Variants in PDGFD observed in about 807,000 individuals in gnomAD.
The protein encoded by PDGFD is platelet derived growth factor D.
In PDGFD, 30 loss-of-function variants were observed where a neutral mutation model predicts 44.7. The ratio of observed to expected loss-of-function variants is 0.67; its 90% CI spans 0.50 to 0.91. The LOEUF (loss-of-function observed/expected upper bound fraction) is 0.91, where lower values mean the gene tolerates loss of function less well. PDGFD is among the 40% of genes least tolerant of loss of function. The pLI, the probability that PDGFD is intolerant of heterozygous loss-of-function variation, is 0.00. For missense variants in PDGFD, 445 were observed against 457.8 expected (o/e 0.97, Z 0.25); for synonymous variants, 173 against 168.4 (o/e 1.03, Z -0.21).
Position 104,131,865 on chromosome 11 carries a change from A to C in PDGFD, c.124+31939T>G, listed in dbSNP as rs112963330. Among the ~76,000 whole-genome samples the C allele has an allele frequency of 9.8e-3, 1,488 of 151,642 alleles. 27 individuals are homozygous for C. Among genetic ancestry groups the C allele is most frequent in the African/African-American group, 0.034 (1,408 of 41,360 alleles). Reference sequence around the variant, plus strand: ...TGATCTATCTACCTTTCGATAAGATAATCTCTAGGCTGAAATTCTCATTTG... The same window carrying C: ...TGATCTATCTACCTTTCGATAAGATCATCTCTAGGCTGAAATTCTCATTTG... On this transcript the variant is annotated intron_variant, in intron 1 of 6. Transcript: ENST00000393158.
chr11:104,080,475 G>A (rs1186590908), intron 1 of PDGFD, among the ~76,000 whole-genome samples: 1 of 152,170 alleles, frequency 6.6e-6, no homozygotes, highest in Non-Finnish European at 1.5e-5. Flanking sequence ...TACCAGCACA[G>A]GGTCTAAAAT....
chr11:104,103,699 T>C (rs943896386), intron 1 of PDGFD, among the ~76,000 whole-genome samples: 2 of 152,012 alleles, frequency 1.3e-5, no homozygotes, highest in Non-Finnish European at 2.9e-5. Context: ...AACATCATAG[T>C]GCAATGCATT....
intron 3 of PDGFD, among the ~76,000 whole-genome samples, chr11:103,952,647 C>T (rs911049797): frequency 6.6e-6 from 1 of 152,052 alleles, no homozygotes; most frequent in Non-Finnish European, 1.5e-5. Context: ...GACTAGGACC[C>T]AATTAGCTAT....
chr11:104,151,557 T>C (rs188874895), intron 1 of PDGFD, among the ~76,000 whole-genome samples: 5 of 152,306 alleles, frequency 3.3e-5, no homozygotes, highest in Admixed American at 3.3e-4. Flanking sequence ...TACATCATGC[T>C]CAAAGTTGTC....
At chr11:104,069,155 G>A (rs544364468) in intron 1 of PDGFD, among the ~76,000 whole-genome samples, 7 of 152,242 alleles carry the variant, frequency 4.6e-5, no homozygotes, top group East Asian at 3.9e-4. Context: ...ATCTGAAAGC[G>A]TTTCTGAGTC....
chr11:104,061,283 A>G (rs140100595), intron 1 of PDGFD, among the ~76,000 whole-genome samples: 51 of 152,288 alleles, frequency 3.3e-4, no homozygotes, highest in African/African-American at 1.1e-3. Flanking sequence ...GAAAAAAAAA[A>G]GTGTTAAAAC....
chr11:104,088,349 A>G (rs1359904825), intron 1 of PDGFD, among the ~76,000 whole-genome samples: 1 of 152,210 alleles, frequency 6.6e-6, no homozygotes, highest in Admixed American at 6.5e-5. Flanking sequence ...AATTATGTAA[A>G]CCAAATGTCT....
In PDGFD at chr11:103,950,571, A is replaced by AAAAT. The variant is rs112585777; in HGVS notation, c.511-2851_511-2848dup. The stretch of plus-strand genomic sequence containing the variant: ...AGAGCGAAACTCTGTCTCAAAAGAA[A>AAAAT]AAATAAATAAATAAATAAATAAATA... On this transcript the variant is annotated intron_variant, in intron 3 of 6. Coordinates refer to ENST00000393158, the MANE Select transcript of PDGFD (RefSeq NM_025208.5). Among the ~76,000 whole-genome samples, 618 of 146,266 alleles carry AAAAT rather than the reference A, an allele frequency of 4.2e-3. 1 individual carries two copies. The highest frequency in any genetic ancestry group is 0.014 in the Admixed American group (201 of 14,812).
chr11:103,942,494 T>C (rs1281112019), intron 5 of PDGFD, among the ~76,000 whole-genome samples: 1 of 152,146 alleles, frequency 6.6e-6, no homozygotes, highest in Admixed American at 6.6e-5. Context: ...TCTGCCTTAA[T>C]GTTCCTCTCG....
intron 1 of PDGFD, among the ~76,000 whole-genome samples, chr11:104,088,263 C>T (rs180947806): frequency 2.3e-4 from 35 of 152,318 alleles, no homozygotes; most frequent in Non-Finnish European, 4.4e-5. Context: ...ATTTTACTGA[C>T]TCACAATTAT....
At chr11:104,022,516 C>T (rs1859976435) in intron 1 of PDGFD, among the ~76,000 whole-genome samples, 1 of 152,032 alleles carries the variant, frequency 6.6e-6, no homozygotes, top group South Asian at 2.1e-4. Context: ...TTTTACCCCC[C>T]TCCAATTTCC....
chr11:104,114,363 C>G (rs1246815605), intron 1 of PDGFD, among the ~76,000 whole-genome samples: 1 of 151,864 alleles, frequency 6.6e-6, no homozygotes, highest in Non-Finnish European at 1.5e-5. Flanking sequence ...TCTCTTCTCT[C>G]CATTAGGTTG....
chr11:103,910,121 T>C (rs891152070), intron 6 of PDGFD, among the ~76,000 whole-genome samples: 6 of 152,156 alleles, frequency 3.9e-5, no homozygotes, highest in Non-Finnish European at 7.3e-5. Context: ...AGGGCCTGCT[T>C]TGGGCCAAGT....
chr11:104,048,263 A>C (rs1215173289), intron 1 of PDGFD, among the ~76,000 whole-genome samples: 1 of 152,054 alleles, frequency 6.6e-6, no homozygotes, highest in African/African-American at 2.4e-5. Flanking sequence ...AGAAATGAAA[A>C]TTCAATTCCA....
At chr11:104,058,462 C>T (rs1054980652) in intron 1 of PDGFD, among the ~76,000 whole-genome samples, 4 of 152,116 alleles carry the variant, frequency 2.6e-5, no homozygotes, top group African/African-American at 7.2e-5. Flanking sequence ...AACACATCCA[C>T]TAAAAAGACT....
intron 1 of PDGFD, among the ~76,000 whole-genome samples, chr11:104,040,791 T>C (rs924680113): frequency 6.6e-6 from 1 of 152,016 alleles, no homozygotes; most frequent in Non-Finnish European, 1.5e-5. Flanking sequence ...AACACAGATA[T>C]GTATTTCTAT....
intron 1 of PDGFD, among the ~76,000 whole-genome samples, chr11:104,062,547 C>G (rs2134415005): frequency 6.6e-6 from 1 of 152,320 alleles, no homozygotes; most frequent in Admixed American, 6.5e-5. Context: ...CTCAATACCT[C>G]AGAATACGTT....
chr11:104,133,443 T>C (rs1861953869), intron 1 of PDGFD, among the ~76,000 whole-genome samples: 1 of 152,110 alleles, frequency 6.6e-6, no homozygotes, highest in South Asian at 2.1e-4. Context: ...AAGCTCTCAT[T>C]ATATTTCCAG....
Position 104,135,736 on chromosome 11 carries a change from A to C in PDGFD, c.124+28068T>G, listed in dbSNP as rs532708662. ...TGCCATTCACCAAGATAGAGTGCCAAAGTCAAAGCTACTTTAGAAAACACT... is the reference window on the plus strand; with the variant it reads ...TGCCATTCACCAAGATAGAGTGCCACAGTCAAAGCTACTTTAGAAAACACT... On this transcript the variant is annotated intron_variant, in intron 1 of 6. Coordinates refer to ENST00000393158, the MANE Select transcript of PDGFD (RefSeq NM_025208.5). 5.3e-5 allele frequency among the ~76,000 whole-genome samples: 8 copies of C among 152,276 alleles called. 1 individual carries two copies. The South Asian group carries it at 1.7e-3, about 32-fold the overall frequency.
Sources: allele counts gnomAD v4.1 joint callset (sites outside exome capture counted in the v4.1 genomes callset), GRCh38; gene constraint gnomAD v4.1.1; transcripts MANE v1.5; gene names NCBI Gene and HGNC (gene_info 2026-07-23, HGNC 2026-07-21).